The following ZNF804B variants were observed in gnomAD, a reference collection of about 807,000 sequenced individuals.
ZNF804B encodes zinc finger protein 804B.
Under a neutral mutation model 101.4 loss-of-function variants are expected in ZNF804B, and 80 were observed. The ratio of observed to expected loss-of-function variants is 0.79; its 90% CI spans 0.66 to 0.95. The LOEUF (loss-of-function observed/expected upper bound fraction) is 0.95, where lower values mean the gene tolerates loss of function less well. Ranked by LOEUF, ZNF804B falls within the 40% of genes least tolerant of loss-of-function variation. The probability of loss-of-function intolerance (pLI) is 0.00; values close to 1 mark genes in which losing one functional copy is unlikely to be tolerated. For missense variants in ZNF804B, 1,673 were observed against 1,561.9 expected (o/e 1.07, Z -1.20); for synonymous variants, 622 against 558.8 (o/e 1.11, Z -1.59).
intron 1 of ZNF804B, among the ~76,000 whole-genome samples, chr7:88,910,956 G>A (rs1352824557): frequency 6.6e-6 from 1 of 151,952 alleles, no homozygotes; most frequent in Non-Finnish European, 1.5e-5. Context: ...TATCATTGAA[G>A]TAACTTTAGA....
rs61307632 is a variant in ZNF804B, at chr7:89,210,010, G to A, written c.109-8145G>A. On this transcript the variant is annotated intron_variant, in intron 1 of 3. Coordinates refer to ENST00000333190, the MANE Select transcript of ZNF804B (RefSeq NM_181646.5). ...CTAAAAATACAAAAATTAGCTGAGC[G>A]TGGTGGCATGCACCTGTAGTCCCAG... is the stretch of plus-strand genomic sequence containing the variant. 0.051 allele frequency among the ~76,000 whole-genome samples: 7,787 copies of A among 151,912 alleles called. 1,179 individuals carry two copies. The East Asian group carries it at 0.56, about 11-fold the overall frequency.
At chr7:89,046,746 T>G (rs1789114095) in intron 1 of ZNF804B, among the ~76,000 whole-genome samples, 1 of 152,172 alleles carries the variant, frequency 6.6e-6, no homozygotes, top group African/African-American at 2.4e-5. Context: ...GTTACTCATA[T>G]AGTTTCTGGT....
At chr7:89,055,919 G>C (rs1789285385) in intron 1 of ZNF804B, among the ~76,000 whole-genome samples, 1 of 152,098 alleles carries the variant, frequency 6.6e-6, no homozygotes, top group Non-Finnish European at 1.5e-5. Flanking sequence ...ATAACTCCAA[G>C]TCTCTTCTCA....
At chr7:89,313,104 G>A (rs1790668272) in intron 2 of ZNF804B, among the ~76,000 whole-genome samples, 2 of 152,142 alleles carry the variant, frequency 1.3e-5, no homozygotes, top group Non-Finnish European at 2.9e-5. Context: ...TGTTATAAAT[G>A]TCCAGGATTC....
chr7:89,101,173 T>C (rs1313517992), intron 1 of ZNF804B, among the ~76,000 whole-genome samples: 2 of 152,026 alleles, frequency 1.3e-5, no homozygotes, highest in African/African-American at 2.4e-5. Context: ...CATTTACTCA[T>C]GGGCACTATG....
Position 89,171,288 on chromosome 7 carries a change from G to GCTGCTGCTGCTTCTT in ZNF804B, c.109-46865_109-46864insGCTGCTGCTTCTTCT, listed in dbSNP as rs1215246589. 2.9e-3 allele frequency among the ~76,000 whole-genome samples: 239 copies of GCTGCTGCTGCTTCTT among 82,484 alleles called. 5 individuals are homozygous for GCTGCTGCTGCTTCTT. The highest frequency in any genetic ancestry group is 9.9e-3 in the African/African-American group (205 of 20,624). The allele number at this position is 82,484 out of a possible 152,430, so 54.1% of individuals were successfully genotyped here. ...AGTAGGCACAAATAATGCTGCTGCTGCTTCTTCTTCTTCTTCTTCTTCTTC... is the reference window on the plus strand; with the variant it reads ...AGTAGGCACAAATAATGCTGCTGCTGCTGCTGCTGCTTCTTCTTCTTCTTCTTCTTCTTCTTCTTC... On this transcript the variant is annotated intron_variant, in intron 1 of 3. Transcript: ENST00000333190.
intron 1 of ZNF804B, 130 bp downstream of exon 1, chr7:88,760,214 G>A (rs1181617841): frequency 4.3e-6 from 3 of 701,146 alleles, no homozygotes; most frequent in Non-Finnish European, 7.4e-6. Flanking sequence ...TTATCCATAG[G>A]TATGGAGATA....
At chr7:88,869,864 G>C (rs75088964) in intron 1 of ZNF804B, among the ~76,000 whole-genome samples, 4,320 of 152,248 alleles carry the variant, frequency 0.028, 217 homozygotes, top group African/African-American at 0.098. Context: ...TCCAGCCAAG[G>C]CTTCTTACCT....
intron 1 of ZNF804B, among the ~76,000 whole-genome samples, chr7:88,778,188 T>G (rs1392896741): frequency 6.6e-6 from 1 of 152,208 alleles, no homozygotes; most frequent in Non-Finnish European, 1.5e-5. Context: ...AGCTTCTAGA[T>G]AGAAGTTCCC....
chr7:89,266,344 T>C (rs1038227881), intron 2 of ZNF804B, among the ~76,000 whole-genome samples: 1 of 152,140 alleles, frequency 6.6e-6, no homozygotes, highest in Non-Finnish European at 1.5e-5. Context: ...ATTTCAAAAT[T>C]TTGAGTGACT....
chr7:89,055,610 A>C (rs943383133), intron 1 of ZNF804B, among the ~76,000 whole-genome samples: 2 of 152,052 alleles, frequency 1.3e-5, no homozygotes, highest in African/African-American at 4.8e-5. Context: ...CTAAGCAGTT[A>C]GAAGTGGGGG....
chr7:88,985,110 T>C (rs1793741547), intron 1 of ZNF804B, among the ~76,000 whole-genome samples: 1 of 152,098 alleles, frequency 6.6e-6, no homozygotes, highest in African/African-American at 2.4e-5. Context: ...AGTCTGACTG[T>C]ATCTATTTTA....
intron 3 of ZNF804B, 36 bp from the exon 4 acceptor site, chr7:89,333,327 A>G: frequency 6.7e-7 from 1 of 1,488,504 alleles, no homozygotes; most frequent in Non-Finnish European, 8.9e-7. Flanking sequence ...TCCAAAGCTA[A>G]TCTCTTAATC....
intron 1 of ZNF804B, among the ~76,000 whole-genome samples, chr7:89,150,490 G>T (rs911184519): frequency 6.6e-6 from 1 of 152,058 alleles, no homozygotes; most frequent in African/African-American, 2.4e-5. Context: ...CTGGCCTCCA[G>T]ACGCATTTTT....
intron 1 of ZNF804B, among the ~76,000 whole-genome samples, chr7:89,009,127 C>A (rs1394096401): frequency 6.6e-6 from 1 of 152,086 alleles, no homozygotes; most frequent in African/African-American, 2.4e-5. Context: ...CAAAGGTTAT[C>A]CTTTGGTCTC....
chr7:88,768,169 T>G (rs10272159), intron 1 of ZNF804B, among the ~76,000 whole-genome samples: 1 of 152,336 alleles, frequency 6.6e-6, no homozygotes, highest in African/African-American at 2.4e-5. Context: ...ACATTCCCAC[T>G]GATACATTTG....
At chr7:89,224,880 ACTGT>A (rs1789062653) in intron 2 of ZNF804B, among the ~76,000 whole-genome samples, 1 of 151,914 alleles carries the variant, frequency 6.6e-6, no homozygotes, top group Admixed American at 6.6e-5. Context: ...CTCCCAAATT[ACTGT>A]CTGTATCTTA....
intron 2 of ZNF804B, among the ~76,000 whole-genome samples, chr7:89,253,624 G>A (rs2115793847): frequency 6.6e-6 from 1 of 152,056 alleles, no homozygotes; most frequent in Non-Finnish European, 1.5e-5. Flanking sequence ...AGTTCCAGAT[G>A]GTTTCAAGGT....
At chr7:88,937,978 T>C (rs1162147846) in intron 1 of ZNF804B, among the ~76,000 whole-genome samples, 1 of 152,118 alleles carries the variant, frequency 6.6e-6, no homozygotes, top group Non-Finnish European at 1.5e-5. Context: ...CAGGAGGTCC[T>C]GGGAACATGT....
Sources: allele counts gnomAD v4.1 joint callset (sites outside exome capture counted in the v4.1 genomes callset), GRCh38; gene constraint gnomAD v4.1.1; transcripts MANE v1.5; gene names NCBI Gene and HGNC (gene_info 2026-07-23, HGNC 2026-07-21).